HEATR1: variants seen among roughly 807,000 people sequenced by gnomAD.
HEATR1 encodes HEAT repeat containing 1.
A neutral mutation model predicts 248.2 loss-of-function variants in HEATR1; 77 were observed. The ratio of observed to expected loss-of-function variants is 0.31; its 90% CI spans 0.26 to 0.37. The LOEUF (loss-of-function observed/expected upper bound fraction) is 0.37. Ranked by LOEUF, HEATR1 falls within the 10% of genes least tolerant of loss-of-function variation. The probability of loss-of-function intolerance (pLI) is 1.00; values close to 1 mark genes in which losing one functional copy is unlikely to be tolerated. For synonymous variants in HEATR1, 897 were observed against 923.1 expected (o/e 0.97, Z 0.51); for missense variants, 2,420 against 2,504.9 (o/e 0.97, Z 0.72).
rs959869052 is a variant in HEATR1 at position 236,574,839 on chromosome 1, G to A, written c.3149C>T (p.Thr1050Ile). ...QLLEKIQKEP[T>I]AVLKDEAMVL... ...CATGGCCTCATCTTTCAGCACAGCT[G>A]TGGGCTCCTTCTGGATCTTTTCTAG... Residue 1050 changes from threonine (T) to isoleucine (I), a missense_variant, in exon 23 of 45, where the codon ACA becomes ATA. Coordinates refer to ENST00000366582, the MANE Select transcript of HEATR1 (RefSeq NM_018072.6). The A allele has an allele frequency of 6.2e-7, 1 of 1,613,888 alleles. No homozygotes were observed. The highest frequency in any genetic ancestry group is 1.7e-5 in the Admixed American group (1 of 60,024).
At chr1:236,586,897 A>ATC (rs1663901113) in intron 14 of HEATR1, among the ~76,000 whole-genome samples, 1 of 152,052 alleles carries the variant, frequency 6.6e-6, no homozygotes, top group African/African-American at 2.4e-5. Context: ...TACCCATACG[A>ATC]TAGATACAAA....
At chr1:236,575,782 C>T (rs16833948) in intron 22 of HEATR1, among the ~76,000 whole-genome samples, 10,502 of 152,180 alleles carry the variant, frequency 0.069, 1,188 homozygotes, top group African/African-American at 0.23. Flanking sequence ...GTAACACAAG[C>T]TTCTTCGAAA....
chr1:236,555,263 A>G, intron 41 of HEATR1, 33 bp downstream of exon 41: 1 of 1,608,898 alleles, frequency 6.2e-7, no homozygotes, highest in Non-Finnish European at 8.5e-7. Flanking sequence ...CACACAGGGC[A>G]AGGGTGACAG....
In HEATR1 at chr1:236,592,511, C is replaced by A; in HGVS notation, c.1304+12G>T. On this transcript the variant is annotated intron_variant, in intron 10 of 44. Coordinates refer to ENST00000366582, the MANE Select transcript of HEATR1 (RefSeq NM_018072.6). The stretch of plus-strand genomic sequence containing the variant: ...TACTTTAGAAGAGCATAAACATACA[C>A]ACGTAACTTACTTGCTTTCTAAAAG... The A allele has an allele frequency of 1.9e-6, 2 of 1,046,210 alleles. No homozygotes were observed. Among genetic ancestry groups the A allele is most frequent in the Non-Finnish European group, 3.0e-6 (2 of 671,222 alleles). 64.8% of individuals were successfully genotyped at this position (1,046,210 alleles called of 1,614,324 possible).
chr1:236,580,852 G>A (rs1234950656), intron 20 of HEATR1, among the ~76,000 whole-genome samples: 5 of 119,014 alleles, frequency 4.2e-5, no homozygotes, highest in African/African-American at 1.1e-4. Flanking sequence ...ATGGAGTCTC[G>A]CTGTGTCACC....
chr1:236,596,983 C>T lies in HEATR1; in HGVS notation c.604-7G>A, dbSNP rs1056509193. ...CCGGGTACTCAGCAAAAACCTGAAA[C>T]AAGGAACACAAACAAAACACATTTA... On this transcript the variant is annotated splice_region_variant and splice_polypyrimidine_tract_variant and intron_variant, in intron 5 of 44. Transcript: ENST00000366582. The T allele has an allele frequency of 5.0e-6, 8 of 1,608,954 alleles. No homozygotes were observed. The highest frequency in any genetic ancestry group is 3.4e-5 in the Admixed American group (2 of 58,412).
chr1:236,601,598 G>A (rs765276324), intron 3 of HEATR1, among the ~76,000 whole-genome samples: 2 of 151,862 alleles, frequency 1.3e-5, no homozygotes, highest in African/African-American at 2.4e-5. Context: ...TTGAGGCCAG[G>A]AGTTCCAGAC....
At chr1:236,601,732 G>A (rs139158526) in intron 3 of HEATR1, among the ~76,000 whole-genome samples, 35 of 152,232 alleles carry the variant, frequency 2.3e-4, no homozygotes, top group African/African-American at 6.7e-4. Context: ...AGCTACTTGG[G>A]TGGCTGAGAT....
At chr1:236,573,183 A>G (rs888330723) in intron 24 of HEATR1, among the ~76,000 whole-genome samples, 6 of 152,206 alleles carry the variant, frequency 3.9e-5, no homozygotes, top group Non-Finnish European at 8.8e-5. Context: ...ATTATGATAC[A>G]GTATCACTTC....
At chr1:236,572,967 G>T in intron 24 of HEATR1, 139 bp from the exon 25 acceptor site, 1 of 742,420 alleles carries the variant, frequency 1.3e-6, no homozygotes, top group South Asian at 1.7e-5. Flanking sequence ...ACCCCCCCCA[G>T]CATTGGATGC....
intron 4 of HEATR1, among the ~76,000 whole-genome samples, chr1:236,598,835 C>A (rs1664244473): frequency 6.6e-6 from 1 of 152,104 alleles, no homozygotes; most frequent in Admixed American, 6.5e-5. Context: ...CAGTCAAGTT[C>A]CTGCTAACAA....
rs1290050890 is a variant in HEATR1 at position 236,565,791 on chromosome 1, CA to C, written c.4435+127del. On this transcript the variant is annotated intron_variant, in intron 31 of 44. Transcript: ENST00000366582. ...TTCCATAAGGATTCAAGAAACTACA[CA>C]ATCAAATTAAAATGATTAACTTACT... 3.3e-6 allele frequency: 3 copies of C among 909,126 alleles called. No homozygotes were observed. In the African/African-American group the frequency reaches 5.0e-5, roughly 15 times the overall value. The allele number at this position is 909,126 out of a possible 1,614,324, so 56.3% of individuals were successfully genotyped here. A position where few individuals can be genotyped will look rare whatever the true frequency, so the allele number is the denominator to read the frequency against.
At chr1:236,553,850 C>T (rs926264690) in intron 42 of HEATR1, 111 bp from the exon 43 acceptor site, 2 of 1,163,724 alleles carry the variant, frequency 1.7e-6, no homozygotes, top group African/African-American at 3.1e-5. Context: ...TTAGCAGGTT[C>T]AAAAACCAGG....
chr1:236,597,042 C>A (rs1664195647), intron 5 of HEATR1, 66 bp from the exon 6 acceptor site: 1 of 1,490,186 alleles, frequency 6.7e-7, no homozygotes, highest in Admixed American at 1.9e-5. Flanking sequence ...TTGCTTGAGG[C>A]CAGGAGTTCA....
chr1:236,554,784 A>G, intron 41 of HEATR1, 32 bp from the exon 42 acceptor site: 1 of 1,571,546 alleles, frequency 6.4e-7, no homozygotes, highest in Non-Finnish European at 8.6e-7. Context: ...AAATGAAAAA[A>G]CACTGAACTT....
chr1:236,570,486 C>T (rs146700749), intron 28 of HEATR1, among the ~76,000 whole-genome samples: 14 of 151,728 alleles, frequency 9.2e-5, no homozygotes, highest in Non-Finnish European at 1.5e-4. Flanking sequence ...ACGGTGGCAG[C>T]GGCAGGGAGG....
intron 29 of HEATR1, 91 bp downstream of exon 29, chr1:236,568,905 A>AG (rs1663347178): frequency 1.1e-6 from 1 of 948,998 alleles, no homozygotes; most frequent in African/African-American, 1.8e-5. Flanking sequence ...AAACAAAAAA[A>AG]AAAAACTAAA....
At position 236,555,583 on chromosome 1, in the gene HEATR1, A is replaced by G; in HGVS notation, c.5722T>C (p.Ser1908Pro). Reference protein sequence around the residue: ...DCLVAMVVKLSEVTFRPLFFK... With the variant: ...DCLVAMVVKLPEVTFRPLFFK... ...AACAGGGGCCTGAATGTGACCTCGG[A>G]AAGTTTGACAACCATGGCTACTAGA... Residue 1908 changes from serine to proline, a missense_variant, in exon 40 of 45, where the codon TCC becomes CCC. Physicochemically the swap from Ser to Pro is moderately conservative, Grantham distance 74. Coordinates refer to ENST00000366582, the MANE Select transcript of HEATR1 (RefSeq NM_018072.6). 2 of 1,614,230 alleles carry G rather than the reference A, an allele frequency of 1.2e-6. No individual in the cohort carries two copies. Among genetic ancestry groups the G allele is most frequent in the Admixed American group, 3.3e-5 (2 of 60,028 alleles).
chr1:236,558,666 T>C (rs1209436300), intron 35 of HEATR1, 137 bp from the exon 36 acceptor site: 1 of 856,490 alleles, frequency 1.2e-6, no homozygotes, highest in Non-Finnish European at 1.8e-6. Flanking sequence ...TGCTAAGCGA[T>C]GTGCATGTTC....
Sources: gnomAD v4.1 joint callset for allele counts (sites outside exome capture counted in the v4.1 genomes callset) on GRCh38, gnomAD v4.1.1 for gene constraint, MANE v1.5 for transcripts, NCBI Gene and HGNC (gene_info 2026-07-23, HGNC 2026-07-21) for gene names.